Variants in ZRANB3 observed in about 807,000 individuals in gnomAD.
The protein encoded by ZRANB3 is DNA annealing helicase and endonuclease ZRANB3.
A neutral mutation model predicts 133.8 loss-of-function variants in ZRANB3; 125 were observed. The observed-to-expected ratio is 0.93, with a 90% CI of 0.81 to 1.08. The LOEUF is 1.08. ZRANB3 is among the 50% of genes least tolerant of loss of function. The pLI is 0.00. For synonymous variants in ZRANB3, 387 were observed against 432.7 expected (o/e 0.89, Z 1.31); for missense variants, 1,229 against 1,275.5 (o/e 0.96, Z 0.56).
chr2:135,403,261 T>C (rs1458433497), intron 2 of ZRANB3, among the ~76,000 whole-genome samples: 3 of 152,190 alleles, frequency 2.0e-5, no homozygotes, highest in African/African-American at 7.2e-5. Context: ...ACCCTAATAC[T>C]GTGCTTTTCT....
Position 135,475,726 on chromosome 2 carries a change from A to G in ZRANB3, c.161+28603T>C, listed in dbSNP as rs143482234. On this transcript the variant is annotated intron_variant, in intron 2 of 20. Transcript: ENST00000264159. Reference sequence around the variant, plus strand: ...GATTCACAAAAACATACACAGTGCCAAAGGATATTTAAATTAACCAAAGAA... The same window carrying G: ...GATTCACAAAAACATACACAGTGCCGAAGGATATTTAAATTAACCAAAGAA... Among the ~76,000 whole-genome samples, 305 of 152,342 alleles carry G rather than the reference A, an allele frequency of 2.0e-3. 1 individual carries two copies. The highest frequency in any genetic ancestry group is 6.9e-3 in the African/African-American group (286 of 41,574).
At chr2:135,468,262 A>T (rs1014574576) in intron 2 of ZRANB3, among the ~76,000 whole-genome samples, 2 of 152,184 alleles carry the variant, frequency 1.3e-5, no homozygotes, top group Admixed American at 1.3e-4. Flanking sequence ...TCTTCTGTAT[A>T]ATGTTTCCCT....
At chr2:135,324,986 T>C (rs1683740504) in intron 6 of ZRANB3, among the ~76,000 whole-genome samples, 1 of 152,112 alleles carries the variant, frequency 6.6e-6, no homozygotes, top group African/African-American at 2.4e-5. Context: ...CTACACAACA[T>C]TGTAGGATTT....
chr2:135,313,934 G>A (rs993494183), intron 7 of ZRANB3, among the ~76,000 whole-genome samples: 3 of 151,936 alleles, frequency 2.0e-5, no homozygotes, highest in Non-Finnish European at 2.9e-5. Context: ...GTGCAATCTC[G>A]GCTCACTGCA....
chr2:135,230,067 T>C (rs1011997819), intron 13 of ZRANB3, among the ~76,000 whole-genome samples: 5 of 152,206 alleles, frequency 3.3e-5, no homozygotes, highest in African/African-American at 1.2e-4. Context: ...CAATGTATAC[T>C]GACTAGGCAA....
chr2:135,329,151 T>C (rs557877248), intron 6 of ZRANB3, among the ~76,000 whole-genome samples: 1 of 152,352 alleles, frequency 6.6e-6, no homozygotes, highest in Non-Finnish European at 1.5e-5. Flanking sequence ...ATATCCTGAA[T>C]GATATTGCCT....
At chr2:135,500,743 A>C (rs2104818289) in intron 2 of ZRANB3, among the ~76,000 whole-genome samples, 2 of 150,698 alleles carry the variant, frequency 1.3e-5, no homozygotes, top group South Asian at 4.2e-4. Flanking sequence ...TGTCCATGTA[A>C]ATTACATATC....
chr2:135,429,634 G>A (rs1166602260), intron 2 of ZRANB3, among the ~76,000 whole-genome samples: 2 of 151,982 alleles, frequency 1.3e-5, no homozygotes, highest in Non-Finnish European at 2.9e-5. Context: ...CAGAGTCAAA[G>A]AGAGGCAATT....
intron 3 of ZRANB3, among the ~76,000 whole-genome samples, chr2:135,371,022 T>C (rs1435725333): frequency 6.6e-6 from 1 of 152,184 alleles, no homozygotes; most frequent in Non-Finnish European, 1.5e-5. Flanking sequence ...TCTCCAGCCA[T>C]GTGGAACTGT....
In ZRANB3 at chr2:135,379,123, G is replaced by T. The variant is rs187493254; in HGVS notation, c.180+11679C>A. 2.4e-4 allele frequency among the ~76,000 whole-genome samples: 37 copies of T among 152,198 alleles called. No individual in the cohort carries two copies. In the East Asian group the frequency reaches 6.7e-3, roughly 28 times the overall value. ...AATAATAGGGGAAACTGGGTGTGGGGTATACAGGAACTCTGTAATATCTTT... is the reference window on the plus strand; with the variant it reads ...AATAATAGGGGAAACTGGGTGTGGGTTATACAGGAACTCTGTAATATCTTT... On this transcript the variant is annotated intron_variant, in intron 3 of 20. Transcript: ENST00000264159.
At chr2:135,350,265 TC>T in intron 4 of ZRANB3, 50 bp from the exon 5 acceptor site, 1 of 1,362,084 alleles carries the variant, frequency 7.3e-7, no homozygotes, top group Non-Finnish European at 1.0e-6. Context: ...AATGACGTTA[TC>T]ATGAACAATA....
At chr2:135,512,246 C>G (rs1260917613) in intron 1 of ZRANB3, among the ~76,000 whole-genome samples, 2 of 151,966 alleles carry the variant, frequency 1.3e-5, no homozygotes, top group African/African-American at 2.4e-5. Flanking sequence ...CTTTTTAGGT[C>G]AAGATAGTGT....
chr2:135,391,406 A>C (rs990590516), intron 2 of ZRANB3, among the ~76,000 whole-genome samples: 2 of 152,308 alleles, frequency 1.3e-5, no homozygotes, highest in African/African-American at 2.4e-5. Flanking sequence ...CAAAGTGGTA[A>C]GTGATTGTAC....
chr2:135,219,805 A>G (rs1694460060), intron 15 of ZRANB3, among the ~76,000 whole-genome samples: 1 of 152,166 alleles, frequency 6.6e-6, no homozygotes, highest in Admixed American at 6.6e-5. Flanking sequence ...TGCCAATGGT[A>G]CCACCTGGAG....
At chr2:135,344,119 A>G (rs1415415434) in intron 6 of ZRANB3, among the ~76,000 whole-genome samples, 1 of 152,244 alleles carries the variant, frequency 6.6e-6, no homozygotes, top group Non-Finnish European at 1.5e-5. Flanking sequence ...CAAGCACTTT[A>G]GAAATATTAG....
chr2:135,512,907 GC>G (rs1313672263), intron 1 of ZRANB3, among the ~76,000 whole-genome samples: 8 of 152,204 alleles, frequency 5.3e-5, no homozygotes, highest in African/African-American at 1.9e-4. Context: ...AATTGATTAT[GC>G]AAGTTGATTA....
chr2:135,409,649 G>T (rs536127956), intron 2 of ZRANB3, among the ~76,000 whole-genome samples: 1 of 151,992 alleles, frequency 6.6e-6, no homozygotes, highest in African/African-American at 2.4e-5. Flanking sequence ...GGAAGAGAAA[G>T]AAATAGAAAG....
chr2:135,313,372 A>T, intron 8 of ZRANB3, 117 bp downstream of exon 8: 21 of 576,446 alleles, frequency 3.6e-5, no homozygotes, highest in Non-Finnish European at 5.2e-5. Flanking sequence ...AAAAAAAAAG[A>T]GTTAAACAAT....
intron 2 of ZRANB3, among the ~76,000 whole-genome samples, chr2:135,422,355 G>A (rs183964257): frequency 6.6e-6 from 1 of 152,060 alleles, no homozygotes; most frequent in African/African-American, 2.4e-5. Flanking sequence ...CAAATCAAAT[G>A]GTCATTTCTC....
Sources: allele counts gnomAD v4.1 joint callset (sites outside exome capture counted in the v4.1 genomes callset), GRCh38; gene constraint gnomAD v4.1.1; transcripts MANE v1.5; gene names NCBI Gene and HGNC (gene_info 2026-07-23, HGNC 2026-07-21).